SUCLG2: variants seen among roughly 807,000 people sequenced by gnomAD.
The protein encoded by SUCLG2 is succinate-CoA ligase GDP-forming subunit beta, also known as succinate--CoA ligase [GDP-forming] subunit beta, mitochondrial.
Under a neutral mutation model 47.9 loss-of-function variants are expected in SUCLG2, and 42 were observed. That is an observed-to-expected ratio of 0.88 (90% CI 0.69 to 1.14). The LOEUF is 1.14. Ranked by LOEUF, SUCLG2 falls within the 50% of genes most tolerant of loss-of-function variation. The pLI, the probability that SUCLG2 is intolerant of heterozygous loss-of-function variation, is 0.00. For synonymous variants in SUCLG2, 195 were observed against 197.3 expected (o/e 0.99, Z 0.10); for missense variants, 571 against 525.9 (o/e 1.09, Z -0.84).
chr3:67,428,782 G>C (rs559432623), intron 9 of SUCLG2, among the ~76,000 whole-genome samples: 2 of 152,256 alleles, frequency 1.3e-5, no homozygotes, highest in South Asian at 2.1e-4. Flanking sequence ...GAAAACCATG[G>C]CATGAGAACT....
chr3:67,448,449 A>C (rs995025395), intron 9 of SUCLG2, among the ~76,000 whole-genome samples: 1 of 152,138 alleles, frequency 6.6e-6, no homozygotes, highest in African/African-American at 2.4e-5. Context: ...GCAATGGTGC[A>C]ATCTCAGCTC....
chr3:67,443,688 C>A (rs1363460795), intron 9 of SUCLG2, among the ~76,000 whole-genome samples: 2 of 87,384 alleles, frequency 2.3e-5, no homozygotes, highest in African/African-American at 3.8e-5. Flanking sequence ...ATGTGGGGAG[C>A]GCCTCTGCCC....
intron 10 of SUCLG2, among the ~76,000 whole-genome samples, chr3:67,396,871 C>T (rs576582360): frequency 2.4e-3 from 372 of 152,172 alleles, no homozygotes; most frequent in African/African-American, 7.9e-3. Context: ...GTTCAATATA[C>T]GAAAATAAAT....
chr3:67,458,541 T>A (rs1704245000), intron 9 of SUCLG2, among the ~76,000 whole-genome samples: 1 of 152,188 alleles, frequency 6.6e-6, no homozygotes, highest in South Asian at 2.1e-4. Context: ...AGAGAGTCAA[T>A]AACTCACTGA....
chr3:67,621,382 T>C (rs542198692), intron 1 of SUCLG2, among the ~76,000 whole-genome samples: 7 of 152,314 alleles, frequency 4.6e-5, no homozygotes, highest in East Asian at 1.9e-4. Flanking sequence ...TTAGTTGATA[T>C]GCATGTGGTA....
intron 9 of SUCLG2, among the ~76,000 whole-genome samples, chr3:67,414,618 A>G (rs2106844176): frequency 6.6e-6 from 1 of 152,248 alleles, no homozygotes; most frequent in South Asian, 2.1e-4. Context: ...TTATGCCCAG[A>G]TCTTTCCTGT....
intron 4 of SUCLG2, among the ~76,000 whole-genome samples, chr3:67,521,255 G>A (rs1437817866): frequency 6.6e-6 from 1 of 152,024 alleles, no homozygotes; most frequent in African/African-American, 2.4e-5. Context: ...ATAAACCCTC[G>A]GGCCCCAGGA....
downstream of SUCLG2, among the ~76,000 whole-genome samples, chr3:67,371,936 A>G (rs570034862): frequency 2.0e-5 from 3 of 152,302 alleles, no homozygotes; most frequent in South Asian, 6.2e-4. Flanking sequence ...GTTGCTAAAG[A>G]GGATTAATTA....
At chr3:67,418,660 G>A (rs979944096) in intron 9 of SUCLG2, among the ~76,000 whole-genome samples, 1 of 152,100 alleles carries the variant, frequency 6.6e-6, no homozygotes. Context: ...GGGAGAACAG[G>A]AGCCCTGGAG....
chr3:67,528,358 T>G lies in SUCLG2; in HGVS notation c.327-136A>C. On this transcript the variant is annotated intron_variant, in intron 3 of 10. Coordinates refer to ENST00000307227, the MANE Select transcript of SUCLG2 (RefSeq NM_003848.4). The stretch of plus-strand genomic sequence containing the variant: ...CACAAAATCCATGAGTCTTTCTGCT[T>G]ATGTGCTGCGTGTTTAGCACTGTAC... 4 of 755,082 alleles carry G rather than the reference T, an allele frequency of 5.3e-6. No individual in the cohort carries two copies. In the South Asian group the frequency reaches 6.8e-5, roughly 13 times the overall value. 46.8% of individuals were successfully genotyped at this position (755,082 alleles called of 1,614,324 possible). A position where few individuals can be genotyped will look rare whatever the true frequency, so the allele number is the denominator to read the frequency against.
At chr3:67,634,512 C>A (rs890798921) in intron 1 of SUCLG2, among the ~76,000 whole-genome samples, 2 of 152,186 alleles carry the variant, frequency 1.3e-5, no homozygotes, top group Non-Finnish European at 2.9e-5. Context: ...TTATTTTCAT[C>A]ATTTCATTCT....
chr3:67,567,467 T>C (rs1036774400), intron 2 of SUCLG2, among the ~76,000 whole-genome samples: 7 of 152,134 alleles, frequency 4.6e-5, no homozygotes, highest in African/African-American at 1.4e-4. Context: ...GGCTAGTTTT[T>C]TTCGTTTTAA....
intron 9 of SUCLG2, among the ~76,000 whole-genome samples, chr3:67,491,307 G>A (rs1374538379): frequency 1.3e-5 from 2 of 149,698 alleles, no homozygotes; most frequent in Non-Finnish European, 3.0e-5. Flanking sequence ...GATGGGGACT[G>A]CATGAGGAGG....
chr3:67,576,923 T>A (rs964386462), intron 2 of SUCLG2, among the ~76,000 whole-genome samples: 2 of 75,696 alleles, frequency 2.6e-5, no homozygotes, highest in Non-Finnish European at 4.3e-5. Flanking sequence ...ATTTTTATTT[T>A]ATTTTTTTTT....
At chr3:67,387,122 C>A (rs117378561) in intron 10 of SUCLG2, among the ~76,000 whole-genome samples, 1 of 152,106 alleles carries the variant, frequency 6.6e-6, no homozygotes, top group Non-Finnish European at 1.5e-5. Flanking sequence ...ATGGCAGACA[C>A]GCCAGTCAGC....
chr3:67,387,466 T>C (rs536609205), intron 10 of SUCLG2, among the ~76,000 whole-genome samples: 3 of 152,326 alleles, frequency 2.0e-5, no homozygotes, highest in African/African-American at 4.8e-5. Flanking sequence ...CACACTACGA[T>C]TGACCCATTC....
At chr3:67,391,407 G>T (rs1559508008) in intron 10 of SUCLG2, among the ~76,000 whole-genome samples, 1 of 152,062 alleles carries the variant, frequency 6.6e-6, no homozygotes, top group Non-Finnish European at 1.5e-5. Context: ...GCTACATGAT[G>T]GTATGTGATC....
chr3:67,384,664 G>A (rs1392556354), intron 10 of SUCLG2, among the ~76,000 whole-genome samples: 1 of 152,162 alleles, frequency 6.6e-6, no homozygotes, highest in Non-Finnish European at 1.5e-5. Context: ...TTGATATAGT[G>A]GTAAGCAGCT....
intron 10 of SUCLG2, among the ~76,000 whole-genome samples, chr3:67,380,373 A>G (rs1702129147): frequency 1.3e-5 from 2 of 152,112 alleles, no homozygotes; most frequent in South Asian, 4.1e-4. Flanking sequence ...GGACAGGGCC[A>G]GGGAAGAAAG....
Sources: gnomAD v4.1 joint callset for allele counts (sites outside exome capture counted in the v4.1 genomes callset) on GRCh38, gnomAD v4.1.1 for gene constraint, MANE v1.5 for transcripts, NCBI Gene and HGNC (gene_info 2026-07-23, HGNC 2026-07-21) for gene names.